DLGAP1: variants seen among roughly 807,000 people sequenced by gnomAD.
DLGAP1 encodes DLG associated protein 1, also known as disks large-associated protein 1.
DLGAP1 carries 11 observed loss-of-function variants against 90.8 expected under a neutral mutation model. The ratio of observed to expected loss-of-function variants is 0.12; its 90% CI spans 0.08 to 0.20. The LOEUF (loss-of-function observed/expected upper bound fraction) is 0.20, where lower values mean the gene tolerates loss of function less well. Ranked by LOEUF, DLGAP1 falls within the 10% of genes least tolerant of loss-of-function variation. The pLI is 1.00. For missense variants in DLGAP1, 1,050 were observed against 1,333.8 expected, an observed-to-expected ratio of 0.79 and a Z score of 3.31; for synonymous variants, 558 against 540.7, an observed-to-expected ratio of 1.03 and a Z score of -0.44.
intron 1 of DLGAP1, among the ~76,000 whole-genome samples, chr18:4,157,706 G>A (rs1464210463): frequency 1.3e-5 from 2 of 152,170 alleles, no homozygotes; most frequent in Non-Finnish European, 2.9e-5. Context: ...GCCATTCTGC[G>A]CTGCCTCATT....
At chr18:4,387,870 G>T (rs1006902204) in intron 1 of DLGAP1, among the ~76,000 whole-genome samples, 12 of 151,340 alleles carry the variant, frequency 7.9e-5, no homozygotes, top group Non-Finnish European at 1.3e-4. Context: ...GGTGGATGCT[G>T]CAGTGAGCTG....
At chr18:4,410,444 A>T (rs1416116382) in intron 1 of DLGAP1, among the ~76,000 whole-genome samples, 2 of 152,240 alleles carry the variant, frequency 1.3e-5, no homozygotes, top group Admixed American at 1.3e-4. Context: ...TCTGAGAATT[A>T]TCAGAAGCAT....
At chr18:3,501,949 GAAAAAAA>G (rs36071304) in intron 12 of DLGAP1, among the ~76,000 whole-genome samples, 3 of 109,374 alleles carry the variant, frequency 2.7e-5, no homozygotes, top group African/African-American at 7.3e-5. Flanking sequence ...AAACTGTTTT[GAAAAAAA>G]AAAAAAAAAA....
At chr18:3,697,880 C>T (rs992832483) in intron 7 of DLGAP1, among the ~76,000 whole-genome samples, 11 of 152,130 alleles carry the variant, frequency 7.2e-5, no homozygotes, top group Admixed American at 7.2e-4. Flanking sequence ...ATATTAGATG[C>T]ATATATATTT....
chr18:4,286,488 C>T (rs751111187), intron 1 of DLGAP1, among the ~76,000 whole-genome samples: 11 of 152,042 alleles, frequency 7.2e-5, no homozygotes, highest in Non-Finnish European at 1.3e-4. Flanking sequence ...GAAGCCACCC[C>T]CAGGACACAG....
chr18:3,687,223 A>C (rs933168408), intron 7 of DLGAP1, among the ~76,000 whole-genome samples: 1 of 152,200 alleles, frequency 6.6e-6, no homozygotes, highest in Non-Finnish European at 1.5e-5. Flanking sequence ...TAAGTCACCA[A>C]GTTTATTACA....
intron 1 of DLGAP1, among the ~76,000 whole-genome samples, chr18:4,171,828 G>C (rs924322745): frequency 1.3e-5 from 2 of 152,094 alleles, no homozygotes; most frequent in Non-Finnish European, 2.9e-5. Context: ...TGATTCCCCA[G>C]TATTAAGCCA....
At chr18:4,397,101 TGTCAAACA>T (rs2082458354) in intron 1 of DLGAP1, among the ~76,000 whole-genome samples, 1 of 152,172 alleles carries the variant, frequency 6.6e-6, no homozygotes, top group South Asian at 2.1e-4. Flanking sequence ...TGCCTTTACT[TGTCAAACA>T]GGCATGATAA....
intron 1 of DLGAP1, among the ~76,000 whole-genome samples, chr18:4,270,035 G>T (rs116585267): frequency 6.6e-6 from 1 of 152,260 alleles, no homozygotes; most frequent in South Asian, 2.1e-4. Flanking sequence ...TGTTACAGTA[G>T]CATAGTTTAA....
At chr18:4,010,194 T>C (rs907469379) in intron 2 of DLGAP1, among the ~76,000 whole-genome samples, 2 of 152,188 alleles carry the variant, frequency 1.3e-5, no homozygotes, top group African/African-American at 4.8e-5. Context: ...CTACACAGTT[T>C]AGTGTAGTGT....
chr18:4,019,818 CA>C (rs1367338511), intron 2 of DLGAP1, among the ~76,000 whole-genome samples: 1 of 141,376 alleles, frequency 7.1e-6, no homozygotes, highest in Non-Finnish European at 1.5e-5. Flanking sequence ...TGTGCGCGCA[CA>C]CACACACACA....
intron 1 of DLGAP1, among the ~76,000 whole-genome samples, chr18:4,354,322 T>C (rs1181084656): frequency 6.6e-6 from 1 of 152,156 alleles, no homozygotes; most frequent in African/African-American, 2.4e-5. Flanking sequence ...GTGTGGAAGA[T>C]GGTCATAGAG....
At chr18:3,862,661 T>C (rs550398720) in intron 4 of DLGAP1, among the ~76,000 whole-genome samples, 3 of 152,234 alleles carry the variant, frequency 2.0e-5, no homozygotes, top group African/African-American at 7.2e-5. Flanking sequence ...TGGCTAAGAA[T>C]CCCACCAAAA....
intron 1 of DLGAP1, among the ~76,000 whole-genome samples, chr18:4,373,265 T>A (rs1355572307): frequency 6.6e-6 from 1 of 151,952 alleles, no homozygotes; most frequent in Admixed American, 6.6e-5. Flanking sequence ...AAGTCCTGAG[T>A]AAGGCAGAAA....
intron 3 of DLGAP1, among the ~76,000 whole-genome samples, chr18:3,976,573 G>T (rs566477455): frequency 6.6e-6 from 1 of 152,172 alleles, no homozygotes; most frequent in South Asian, 2.1e-4. Flanking sequence ...GGCAGTCTTT[G>T]TAATTTTTAA....
intron 7 of DLGAP1, among the ~76,000 whole-genome samples, chr18:3,652,063 C>T (rs1020108403): frequency 1.3e-5 from 2 of 150,874 alleles, no homozygotes; most frequent in Admixed American, 1.3e-4. Context: ...ACTCAGGGGG[C>T]TGAGGCACGA....
At chr18:3,520,321 T>A (rs1410953088) in intron 10 of DLGAP1, among the ~76,000 whole-genome samples, 1 of 152,164 alleles carries the variant, frequency 6.6e-6, no homozygotes, top group Non-Finnish European at 1.5e-5. Flanking sequence ...TCTGGCAGCA[T>A]CCTCAAGTCT....
chr18:3,705,997 T>TTTTTTG (rs34080077), intron 7 of DLGAP1, among the ~76,000 whole-genome samples: 73 of 148,582 alleles, frequency 4.9e-4, no homozygotes, highest in Non-Finnish European at 9.5e-4. Context: ...TTTTTTTTTT[T>TTTTTTG]GAGATGGAAT....
intron 1 of DLGAP1, among the ~76,000 whole-genome samples, chr18:4,158,468 C>T (rs2144484384): frequency 1.3e-5 from 2 of 152,278 alleles, no homozygotes; most frequent in South Asian, 4.1e-4. Context: ...CATTAACATT[C>T]ACCCTGATGT....
Sources: allele counts gnomAD v4.1 joint callset (sites outside exome capture counted in the v4.1 genomes callset), GRCh38; gene constraint gnomAD v4.1.1; transcripts MANE v1.5; gene names NCBI Gene and HGNC (gene_info 2026-07-23, HGNC 2026-07-21).